Variants in MIA2 observed in about 807,000 individuals in gnomAD.
The protein encoded by MIA2 is MIA SH3 domain ER export factor 2.
A neutral mutation model predicts 167.8 loss-of-function variants in MIA2; 127 were observed. That is an observed-to-expected ratio of 0.76 (90% confidence interval 0.66 to 0.88). The LOEUF (loss-of-function observed/expected upper bound fraction) is 0.88, where lower values mean the gene tolerates loss of function less well. Ranked by LOEUF, MIA2 falls within the 40% of genes least tolerant of loss-of-function variation. MIA2 has a pLI of 0.00. For missense variants in MIA2, 1,690 were observed against 1,624.7 expected, an observed-to-expected ratio of 1.04 and a Z score of -0.69; for synonymous variants, 552 against 541.9, an observed-to-expected ratio of 1.02 and a Z score of -0.26.
At chr14:39,321,089 T>C (rs753235905) in intron 24 of MIA2, 33 bp downstream of exon 24, 27 of 1,578,568 alleles carry the variant, frequency 1.7e-5, no homozygotes, top group Non-Finnish European at 1.6e-5. Context: ...TTACTCTAGA[T>C]TTCTTCCTTA....
chr14:39,346,384 A>G (rs1264867926), intron 26 of MIA2, among the ~76,000 whole-genome samples: 1 of 152,170 alleles, frequency 6.6e-6, no homozygotes, highest in Non-Finnish European at 1.5e-5. Context: ...ATAAAAACCC[A>G]CCAGAAAACA....
chr14:39,264,030 C>T (rs2055290073), intron 6 of MIA2, among the ~76,000 whole-genome samples: 1 of 152,078 alleles, frequency 6.6e-6, no homozygotes, highest in South Asian at 2.1e-4. Context: ...GAGATTTGGG[C>T]TTCTATTGAT....
Position 39,247,679 on chromosome 14 carries a change from G to T in MIA2, c.1105G>T (p.Asp369Tyr). The stretch of plus-strand genomic sequence containing the variant: ...AGAAAAAAAAGACACAATCACTAAT[G>T]ATAGCTTGAGTCTCAAGCCAAGTTG... ...LTEKKDTITNDSLSLKPSWFD... is the reference protein window; with the variant it reads ...LTEKKDTITNYSLSLKPSWFD... Residue 369 changes from aspartate to tyrosine, a missense_variant, in exon 4 of 29, where the codon GAT (aspartate) becomes TAT (tyrosine). By Grantham distance (160) the Asp-to-Tyr change is radical. Transcript: ENST00000640607. The T allele has an allele frequency of 6.2e-7, 1 of 1,611,854 alleles. No individual in the cohort carries two copies. Among genetic ancestry groups the T allele is most frequent in the Non-Finnish European group, 8.5e-7 (1 of 1,179,426 alleles).
At chr14:39,381,548 G>T (rs957244935) in intron 23 of MIA2, among the ~76,000 whole-genome samples, 1 of 152,188 alleles carries the variant, frequency 6.6e-6, no homozygotes, top group Non-Finnish European at 1.5e-5. Flanking sequence ...AAGGGCAAAA[G>T]AATGAACCAC....
intron 6 of MIA2, 121 bp downstream of exon 6, chr14:39,253,292 C>T: frequency 7.8e-7 from 1 of 1,276,780 alleles, no homozygotes; most frequent in Non-Finnish European, 1.1e-6. Flanking sequence ...TTTCTCTTTC[C>T]ATGACATCTT....
chr14:39,276,411 A>C (rs1338274658), intron 6 of MIA2: 1 of 153,232 alleles, frequency 6.5e-6, no homozygotes, highest in East Asian at 1.9e-4. Context: ...GCACAGAGGT[A>C]GGGTGGGGAG....
chr14:39,262,317 G>C (rs2055161767), intron 6 of MIA2, among the ~76,000 whole-genome samples: 1 of 152,184 alleles, frequency 6.6e-6, no homozygotes, highest in Non-Finnish European at 1.5e-5. Context: ...TCAAAGATCG[G>C]ATGGTTGTAG....
At position 39,277,722 on chromosome 14, in the gene MIA2, A is replaced by ATATATATATATATATGTGTG. The variant is rs2058306012; in HGVS notation, c.2019+672_2019+673insGTGTGTATATATATATATAT. ...TATATATATATATATATATGTGTGTATATATATATATATATATATATGTGT... is the reference window on the plus strand; with the variant it reads ...TATATATATATATATATATGTGTGTATATATATATATATATGTGTGTATATATATATATATATATATGTGT... On this transcript the variant is annotated intron_variant, in intron 7 of 28. Transcript: ENST00000640607. Among the ~76,000 whole-genome samples, 2 of 2,774 alleles carry ATATATATATATATATGTGTG rather than the reference A, an allele frequency of 7.2e-4. 1 individual carries two copies. The highest frequency in any genetic ancestry group is 6.3e-3 in the Admixed American group (2 of 320). The allele number at this position is 2,774 out of a possible 152,430, so 1.8% of individuals were successfully genotyped here.
chr14:39,371,287 T>C (rs1476627794), intron 23 of MIA2, among the ~76,000 whole-genome samples: 2 of 152,190 alleles, frequency 1.3e-5, no homozygotes, highest in Non-Finnish European at 2.9e-5. Flanking sequence ...ATTCCCAGAA[T>C]TGGGGCCAGA....
At chr14:39,235,955 T>A (rs562404767) in intron 1 of MIA2, among the ~76,000 whole-genome samples, 1 of 152,288 alleles carries the variant, frequency 6.6e-6, no homozygotes, top group East Asian at 1.9e-4. Flanking sequence ...TTTACATATG[T>A]TTGTATAATT....
At chr14:39,270,694 T>C (rs1180908932) in intron 6 of MIA2, among the ~76,000 whole-genome samples, 3 of 152,106 alleles carry the variant, frequency 2.0e-5, no homozygotes, top group Non-Finnish European at 2.9e-5. Flanking sequence ...ACACCAGGCC[T>C]TGTGGTTGTT....
chr14:39,361,750 A>G (rs993499837), intron 23 of MIA2, among the ~76,000 whole-genome samples: 3 of 151,992 alleles, frequency 2.0e-5, no homozygotes, highest in African/African-American at 7.2e-5. Context: ...TTTTAGTACT[A>G]TATTTGATAG....
chr14:39,267,539 T>C (rs1052256828), intron 6 of MIA2: 1 of 1,612,722 alleles, frequency 6.2e-7, no homozygotes, highest in Non-Finnish European at 8.5e-7. Flanking sequence ...CCAGGCGCGA[T>C]GAGTGTTACG....
intron 21 of MIA2, 84 bp from the exon 22 acceptor site, chr14:39,317,860 T>C: frequency 1.2e-6 from 1 of 857,084 alleles, no homozygotes; most frequent in Non-Finnish European, 1.7e-6. Context: ...TTTAAGAAAT[T>C]TAATGAATGT....
chr14:39,360,363 G>A (rs1484546380), intron 23 of MIA2, among the ~76,000 whole-genome samples: 1 of 152,084 alleles, frequency 6.6e-6, no homozygotes, highest in Admixed American at 6.5e-5. Flanking sequence ...TTTCTTTGAT[G>A]ATTAGTGAGG....
chr14:39,341,328 AAAT>A (rs1566990569), intron 25 of MIA2, among the ~76,000 whole-genome samples: 1 of 151,708 alleles, frequency 6.6e-6, no homozygotes, highest in Non-Finnish European at 1.5e-5. Flanking sequence ...ATAAATGAAT[AAAT>A]AAATAAATAA....
intron 6 of MIA2, among the ~76,000 whole-genome samples, chr14:39,263,674 G>T (rs1044605207): frequency 7.5e-6 from 1 of 133,758 alleles, no homozygotes; most frequent in Middle Eastern, 4.2e-3. Flanking sequence ...CTCAGTCACC[G>T]AGGCTGGAGT....
intron 6 of MIA2, among the ~76,000 whole-genome samples, chr14:39,258,398 C>G (rs1209085200): frequency 6.6e-6 from 1 of 152,118 alleles, no homozygotes; most frequent in Admixed American, 6.5e-5. Context: ...TTTGTGTATG[C>G]TTCACGAAGT....
Position 39,237,060 on chromosome 14 carries a change from G to A in MIA2, c.249+5G>A, listed in dbSNP as rs2053777779. The A allele has an allele frequency of 6.2e-7, 1 of 1,609,732 alleles. No homozygotes were observed. ...GAAGATTTGTGGGCAGGAAGTGTAA[G>A]TAACTACTTTTAAAAATTGAATGCA... On this transcript the variant is annotated splice_donor_5th_base_variant and intron_variant, in intron 2 of 28. Transcript: ENST00000640607.
Sources: gnomAD v4.1 joint callset for allele counts (sites outside exome capture counted in the v4.1 genomes callset) on GRCh38, gnomAD v4.1.1 for gene constraint, MANE v1.5 for transcripts, NCBI Gene and HGNC (gene_info 2026-07-23, HGNC 2026-07-21) for gene names.